The following PODXL variants were observed in gnomAD, a reference collection of about 807,000 sequenced individuals.
The protein encoded by PODXL is podocalyxin like.
Under a neutral mutation model 48.9 loss-of-function variants are expected in PODXL, and 20 were observed. The observed-to-expected ratio is 0.41, with a 90% CI of 0.29 to 0.59. PODXL has a LOEUF of 0.59. Among genes scored for constraint, PODXL ranks in the 20% least tolerant of loss-of-function variants. The pLI is 0.31. For missense variants in PODXL, 606 were observed against 675.1 expected (o/e 0.90, Z 1.13); for synonymous variants, 295 against 287.4 (o/e 1.03, Z -0.27).
Position 131,504,120 on chromosome 7 carries a change from C to T in PODXL, c.*191G>A. ...GCTCAGGCACTAGTGGGTTATTTTA[C>T]AAGAGGAATCTGGACAGAATGTGAT... is the stretch of plus-strand genomic sequence containing the variant. On this transcript the variant is annotated 3_prime_UTR_variant, in exon 9 of 9. Transcript: ENST00000378555. 1 of 597,444 alleles carries T rather than the reference C, an allele frequency of 1.7e-6. No homozygotes were observed. Among genetic ancestry groups the T allele is most frequent in the Non-Finnish European group, 3.0e-6 (1 of 335,908 alleles). The allele number at this position is 597,444 out of a possible 1,614,324, so 37.0% of individuals were successfully genotyped here. A position where few individuals can be genotyped will look rare whatever the true frequency, so the allele number is the denominator to read the frequency against.
At chr7:131,522,659 A>ACACAGCAAAAGAAAAGC (rs1477371578) in intron 1 of PODXL, among the ~76,000 whole-genome samples, 2 of 152,326 alleles carry the variant, frequency 1.3e-5, no homozygotes, top group East Asian at 3.9e-4. Context: ...CGCACTAAAG[A>ACACAGCAAAAGAAAAGC]CACAGCAAAA....
At chr7:131,552,813 G>A (rs1266071461) in intron 1 of PODXL, among the ~76,000 whole-genome samples, 1 of 152,100 alleles carries the variant, frequency 6.6e-6, no homozygotes, top group Non-Finnish European at 1.5e-5. Flanking sequence ...TTGAGTCAGG[G>A]TCTCCCTCTG....
At chr7:131,521,843 CA>C (rs1798097255) in intron 1 of PODXL, among the ~76,000 whole-genome samples, 2 of 152,220 alleles carry the variant, frequency 1.3e-5, no homozygotes, top group African/African-American at 2.4e-5. Flanking sequence ...GCTGAAACTC[CA>C]TACCCACCAC....
intron 1 of PODXL, among the ~76,000 whole-genome samples, chr7:131,528,694 T>C (rs1584821406): frequency 6.6e-6 from 1 of 152,226 alleles, no homozygotes; most frequent in South Asian, 2.1e-4. Context: ...CAGATTTTAC[T>C]GTAGCGATGT....
chr7:131,545,231 G>A (rs1425295871), intron 1 of PODXL, among the ~76,000 whole-genome samples: 22 of 152,198 alleles, frequency 1.4e-4, no homozygotes. Flanking sequence ...ACACTCTTGA[G>A]GGGCCACCAG....
At chr7:131,527,780 G>C (rs1789909195) in intron 1 of PODXL, among the ~76,000 whole-genome samples, 1 of 152,102 alleles carries the variant, frequency 6.6e-6, no homozygotes, top group Non-Finnish European at 1.5e-5. Flanking sequence ...TGGTATGAAT[G>C]CTTTCTTTGT....
chr7:131,508,221 C>T (rs761681419), intron 5 of PODXL, among the ~76,000 whole-genome samples: 91 of 152,336 alleles, frequency 6.0e-4, no homozygotes, highest in Middle Eastern at 6.8e-3. Flanking sequence ...GCACGCTCAC[C>T]ACCCAGACTG....
chr7:131,504,019 A>T lies in PODXL; in HGVS notation c.*292T>A. ...TCTCGGCAATCTCACTGCAGAATGA[A>T]GGGATTCCACTAGTTCATCTATAAA... On this transcript the variant is annotated 3_prime_UTR_variant, in exon 9 of 9. Coordinates refer to ENST00000378555, the MANE Select transcript of PODXL (RefSeq NM_001018111.3). 1 of 447,316 alleles carries T rather than the reference A, an allele frequency of 2.2e-6. No individual in the cohort carries two copies. The highest frequency in any genetic ancestry group is 4.1e-6 in the Non-Finnish European group (1 of 245,150). 27.7% of individuals were successfully genotyped at this position (447,316 alleles called of 1,614,324 possible).
chr7:131,516,585 TG>T (rs1797999835), intron 1 of PODXL, among the ~76,000 whole-genome samples: 1 of 152,164 alleles, frequency 6.6e-6, no homozygotes, highest in Non-Finnish European at 1.5e-5. Context: ...CATGCTCTGG[TG>T]TGTCATGAGA....
At chr7:131,504,653 G>C (rs1180358409) in intron 8 of PODXL, 145 bp from the exon 9 acceptor site, 3 of 682,150 alleles carry the variant, frequency 4.4e-6, no homozygotes, top group Middle Eastern at 4.1e-4. Flanking sequence ...GGCTGCTCCT[G>C]GTGGTCATTC....
Position 131,512,487 on chromosome 7 carries a change from GGGA to G in PODXL, c.101-1057_101-1055del, listed in dbSNP as rs201730719. On this transcript the variant is annotated intron_variant, in intron 1 of 8. Transcript: ENST00000378555. The stretch of plus-strand genomic sequence containing the variant: ...GCAAGGAGAATGCTGTGTGAAGAAT[GGGA>G]GGAGAAGTGTCCCCAGCAGAAGGAA... Among the ~76,000 whole-genome samples, 879 of 152,274 alleles carry G rather than the reference GGGA, an allele frequency of 5.8e-3. 8 individuals are homozygous for G. The highest frequency in any genetic ancestry group is 0.02 in the African/African-American group (842 of 41,534).
chr7:131,506,006 G>A lies in PODXL; in HGVS notation c.1341C>T (p.Asp447=). Residue 447 remains aspartate, a synonymous_variant, in exon 8 of 9, where the codon GAC becomes GAT. Coordinates refer to ENST00000378555, the MANE Select transcript of PODXL (RefSeq NM_001018111.3). ...EAGVSDMKLG[D]QGPPEEAEDR... ...CCTCGGCCTCCTCCGGTGGCCCCTG[G>A]TCCCCTAGCTTCATGTCACTGACCC... 6.2e-7 allele frequency: 1 copy of A among 1,612,776 alleles called. No homozygotes were observed. The highest frequency in any genetic ancestry group is 8.5e-7 in the Non-Finnish European group (1 of 1,179,588).
Position 131,533,195 on chromosome 7 carries a change from T to C in PODXL, c.101-21762A>G, listed in dbSNP as rs553534010. ...TAAGTGCAGCCACAGACTCCAGTCA[T>C]GCTCCACCCTCCCCGTCCCTTCCCT... On this transcript the variant is annotated intron_variant, in intron 1 of 8. Coordinates refer to ENST00000378555, the MANE Select transcript of PODXL (RefSeq NM_001018111.3). Among the ~76,000 whole-genome samples, 32 of 152,258 alleles carry C rather than the reference T, an allele frequency of 2.1e-4. 1 individual carries two copies. In the South Asian group the frequency reaches 6.4e-3, roughly 31 times the overall value.
intron 8 of PODXL, among the ~76,000 whole-genome samples, 174 bp downstream of exon 8, chr7:131,505,694 T>C (rs1258309444): frequency 6.6e-6 from 1 of 152,232 alleles, no homozygotes. Context: ...TCTGCCACGC[T>C]GCCTCTGTAA....
intron 1 of PODXL, among the ~76,000 whole-genome samples, chr7:131,553,344 G>A (rs1231809467): frequency 6.6e-6 from 1 of 152,074 alleles, no homozygotes; most frequent in Non-Finnish European, 1.5e-5. Context: ...TTTTCCATAT[G>A]CCTCCCTCTC....
At chr7:131,533,938 A>G (rs1798325351) in intron 1 of PODXL, among the ~76,000 whole-genome samples, 1 of 152,178 alleles carries the variant, frequency 6.6e-6, no homozygotes, top group Non-Finnish European at 1.5e-5. Flanking sequence ...TAATAAAAGT[A>G]ACAAACTCTA....
intron 1 of PODXL, among the ~76,000 whole-genome samples, chr7:131,533,546 G>A (rs1437533661): frequency 3.3e-5 from 5 of 152,186 alleles, no homozygotes; most frequent in Admixed American, 6.5e-5. Flanking sequence ...CCCAGCGATG[G>A]GGAAGGGCAG....
intron 1 of PODXL, among the ~76,000 whole-genome samples, chr7:131,527,324 A>T (rs1798204115): frequency 6.6e-6 from 1 of 152,230 alleles, no homozygotes; most frequent in Admixed American, 6.5e-5. Flanking sequence ...AAAGAAGAAC[A>T]AGAACACTCA....
intron 1 of PODXL, among the ~76,000 whole-genome samples, chr7:131,523,799 ATT>A (rs111266089): frequency 4.0e-4 from 58 of 145,000 alleles, no homozygotes; most frequent in African/African-American, 1.4e-3. Context: ...CATCTAACAA[ATT>A]TTTTTTTTTT....
Sources: gnomAD v4.1 joint callset for allele counts (sites outside exome capture counted in the v4.1 genomes callset) on GRCh38, gnomAD v4.1.1 for gene constraint, MANE v1.5 for transcripts, NCBI Gene and HGNC (gene_info 2026-07-23, HGNC 2026-07-21) for gene names.